The following WWOX variants were observed in gnomAD, a reference collection of about 807,000 sequenced individuals.
WWOX encodes the protein WW domain containing oxidoreductase, also known as WW domain-containing oxidoreductase.
Under a neutral mutation model 46.2 loss-of-function variants are expected in WWOX, and 69 were observed. The ratio of observed to expected loss-of-function variants is 1.49; its 90% CI spans 1.23 to 1.82. The LOEUF (loss-of-function observed/expected upper bound fraction) is 1.82, where lower values mean the gene tolerates loss of function less well. WWOX is among the 40% of genes most tolerant of loss of function. The pLI is 0.00. For missense variants in WWOX, 919 were observed against 542.6 expected (o/e 1.69, Z -6.89); for synonymous variants, 359 against 202.6 (o/e 1.77, Z -6.56).
At position 78,973,510 on chromosome 16, in the gene WWOX, G is replaced by A. The variant is rs117820901; in HGVS notation, c.1057-238098G>A. ...AAACATCTCTAACAACATGTCTGAT[G>A]AATACGAAGCCTCCCTTTATTTATT... On this transcript the variant is annotated intron_variant, in intron 8 of 8. Coordinates refer to ENST00000566780, the MANE Select transcript of WWOX (RefSeq NM_016373.4). Among the ~76,000 whole-genome samples, 1,018 of 152,298 alleles carry A rather than the reference G, an allele frequency of 6.7e-3. 5 individuals carry two copies. The highest frequency in any genetic ancestry group is 0.015 in the Admixed American group (235 of 15,294).
chr16:78,577,191 C>T (rs1380482248), intron 8 of WWOX, among the ~76,000 whole-genome samples: 1 of 152,174 alleles, frequency 6.6e-6, no homozygotes, highest in Non-Finnish European at 1.5e-5. Context: ...AAGTCAGTTA[C>T]ATAACCAAGC....
At chr16:78,234,208 C>A (rs1258411671) in intron 5 of WWOX, among the ~76,000 whole-genome samples, 1 of 151,818 alleles carries the variant, frequency 6.6e-6, no homozygotes, top group Non-Finnish European at 1.5e-5. Flanking sequence ...TGTTAATATA[C>A]AGCCTTTATA....
At chr16:78,406,303 AATATATATATATATATATATATAT>A (rs532594425) in intron 6 of WWOX, among the ~76,000 whole-genome samples, 1,584 of 57,852 alleles carry the variant, frequency 0.027, 68 homozygotes, top group African/African-American at 0.041. Flanking sequence ...TATAAATATA[AATATATATATATATATATATATAT>A]ATATATATAT....
At chr16:78,833,739 A>G (rs1219839740) in intron 8 of WWOX, among the ~76,000 whole-genome samples, 1 of 152,244 alleles carries the variant, frequency 6.6e-6, no homozygotes, top group African/African-American at 2.4e-5. Flanking sequence ...GAAACTGGGT[A>G]TGACTACACC....
chr16:78,538,792 A>G (rs2043820427), intron 8 of WWOX, among the ~76,000 whole-genome samples: 1 of 152,216 alleles, frequency 6.6e-6, no homozygotes, highest in East Asian at 1.9e-4. Context: ...CCTTCCTAAA[A>G]CGCATGGGTG....
chr16:78,847,439 G>A (rs796140523), intron 8 of WWOX, among the ~76,000 whole-genome samples: 1 of 151,962 alleles, frequency 6.6e-6, no homozygotes, highest in African/African-American at 2.4e-5. Flanking sequence ...ACACTTTAAT[G>A]TGTGTTTGTA....
At chr16:78,942,001 G>T (rs1263480622) in intron 8 of WWOX, among the ~76,000 whole-genome samples, 1 of 152,156 alleles carries the variant, frequency 6.6e-6, no homozygotes, top group African/African-American at 2.4e-5. Context: ...TAAAGTGGGT[G>T]GAAGTATTGG....
intron 8 of WWOX, among the ~76,000 whole-genome samples, chr16:78,698,209 C>A (rs764228673): frequency 7.9e-5 from 12 of 152,168 alleles, no homozygotes; most frequent in Non-Finnish European, 1.5e-4. Context: ...TCAGACAACA[C>A]AGATGGAGTT....
chr16:78,672,979 C>T (rs2047503462), intron 8 of WWOX, among the ~76,000 whole-genome samples: 2 of 152,202 alleles, frequency 1.3e-5, no homozygotes, highest in South Asian at 2.1e-4. Context: ...AGAGCCCCGG[C>T]CACCGCCGCC....
At chr16:78,782,290 G>A (rs972544309) in intron 8 of WWOX, among the ~76,000 whole-genome samples, 27 of 152,058 alleles carry the variant, frequency 1.8e-4, no homozygotes, top group African/African-American at 6.3e-4. Flanking sequence ...TCAGCTGCAC[G>A]AGCTTTTTCA....
At chr16:78,502,696 C>T (rs879322642) in intron 8 of WWOX, among the ~76,000 whole-genome samples, 1 of 152,184 alleles carries the variant, frequency 6.6e-6, no homozygotes, top group African/African-American at 2.4e-5. Context: ...GATGACATGT[C>T]TTGGCAGTGA....
intron 8 of WWOX, among the ~76,000 whole-genome samples, chr16:78,494,270 A>G (rs1160657777): frequency 6.6e-6 from 1 of 152,192 alleles, no homozygotes; most frequent in Non-Finnish European, 1.5e-5. Context: ...TGCAGAGAAC[A>G]GATTAGCCCC....
intron 8 of WWOX, among the ~76,000 whole-genome samples, chr16:78,819,091 C>T (rs2051422577): frequency 6.6e-6 from 1 of 152,174 alleles, no homozygotes; most frequent in Admixed American, 6.5e-5. Flanking sequence ...CTCAGGTGTT[C>T]ATTCCACAGA....
At chr16:78,773,518 T>C (rs572663801) in intron 8 of WWOX, among the ~76,000 whole-genome samples, 1 of 152,156 alleles carries the variant, frequency 6.6e-6, no homozygotes, top group Non-Finnish European at 1.5e-5. Flanking sequence ...AGTTGGAGGA[T>C]GCTGTGTTGA....
intron 5 of WWOX, among the ~76,000 whole-genome samples, chr16:78,174,591 C>T (rs1156315511): frequency 6.6e-6 from 1 of 152,226 alleles, no homozygotes; most frequent in African/African-American, 2.4e-5. Flanking sequence ...CTCATTCCGG[C>T]ATCAGCTGTA....
intron 6 of WWOX, among the ~76,000 whole-genome samples, chr16:78,420,965 A>T: frequency 6.6e-6 from 1 of 152,240 alleles, no homozygotes. Flanking sequence ...AATTAAATTG[A>T]GAAAGTTTGG....
chr16:78,972,338 T>G (rs998110664), intron 8 of WWOX, among the ~76,000 whole-genome samples: 6 of 152,146 alleles, frequency 3.9e-5, no homozygotes, highest in Admixed American at 3.9e-4. Flanking sequence ...AGGGCTTTAT[T>G]GGATGGGAGC....
intron 8 of WWOX, among the ~76,000 whole-genome samples, chr16:78,758,052 C>G (rs1597560247): frequency 6.6e-6 from 1 of 152,092 alleles, no homozygotes; most frequent in African/African-American, 2.4e-5. Flanking sequence ...CAATGTGCCC[C>G]TATTATTATT....
chr16:78,170,991 T>C (rs2035138000), intron 5 of WWOX, among the ~76,000 whole-genome samples: 1 of 152,212 alleles, frequency 6.6e-6, no homozygotes, highest in South Asian at 2.1e-4. Context: ...GGTCTATTTA[T>C]TTTGTGGGAG....
Sources: allele counts gnomAD v4.1 joint callset (sites outside exome capture counted in the v4.1 genomes callset), GRCh38; gene constraint gnomAD v4.1.1; transcripts MANE v1.5; gene names NCBI Gene and HGNC (gene_info 2026-07-23, HGNC 2026-07-21).